Variants in NRXN3 observed in about 807,000 individuals in gnomAD.
NRXN3 encodes neurexin 3.
A neutral mutation model predicts 137.6 loss-of-function variants in NRXN3; 32 were observed. The ratio of observed to expected loss-of-function variants is 0.23; its 90% CI spans 0.18 to 0.31. The LOEUF (loss-of-function observed/expected upper bound fraction) is 0.31. NRXN3 is among the 10% of genes least tolerant of loss of function. The pLI, the probability that NRXN3 is intolerant of heterozygous loss-of-function variation, is 1.00. For synonymous variants in NRXN3, 798 were observed against 784.5 expected (o/e 1.02, Z -0.29); for missense variants, 1,574 against 2,062.5 (o/e 0.76, Z 4.59).
intron 15 of NRXN3, among the ~76,000 whole-genome samples, chr14:79,288,345 G>A (rs1363539590): frequency 6.6e-6 from 1 of 152,128 alleles, no homozygotes; most frequent in Non-Finnish European, 1.5e-5. Flanking sequence ...CAGAGCAGGG[G>A]GCAGACTAGC....
chr14:79,396,555 C>T (rs1246223362), intron 15 of NRXN3, among the ~76,000 whole-genome samples: 1 of 152,026 alleles, frequency 6.6e-6, no homozygotes, highest in Non-Finnish European at 1.5e-5. Context: ...GCTTGAGAAG[C>T]AGCCCTGTAG....
chr14:79,159,196 CT>C (rs1303271944), intron 15 of NRXN3, among the ~76,000 whole-genome samples: 2 of 151,866 alleles, frequency 1.3e-5, no homozygotes, highest in African/African-American at 4.8e-5. Flanking sequence ...TCTGCTTTTG[CT>C]TTGATTTGAC....
intron 16 of NRXN3, among the ~76,000 whole-genome samples, chr14:79,505,859 G>A (rs1018315737): frequency 5.3e-5 from 8 of 152,116 alleles, no homozygotes; most frequent in African/African-American, 1.9e-4. Context: ...TGTTTATTGT[G>A]TCACAGTTTC....
At chr14:78,952,410 C>G (rs936130288) in intron 10 of NRXN3, among the ~76,000 whole-genome samples, 2 of 152,146 alleles carry the variant, frequency 1.3e-5, no homozygotes, top group African/African-American at 4.8e-5. Flanking sequence ...TCCTCCTCTT[C>G]TTCCTTCAGT....
intron 6 of NRXN3, among the ~76,000 whole-genome samples, chr14:78,666,863 G>A (rs1306179860): frequency 6.6e-6 from 1 of 152,086 alleles, no homozygotes; most frequent in African/African-American, 2.4e-5. Context: ...GTCTTCTTCA[G>A]CCTCCCACTC....
chr14:79,372,293 A>C (rs1331957448), intron 15 of NRXN3, among the ~76,000 whole-genome samples: 1 of 152,122 alleles, frequency 6.6e-6, no homozygotes, highest in Admixed American at 6.5e-5. Context: ...TAGAAAGATA[A>C]ATTTCGGCAC....
chr14:79,446,019 C>T (rs1053796426), intron 15 of NRXN3, among the ~76,000 whole-genome samples: 10 of 152,270 alleles, frequency 6.6e-5, no homozygotes, highest in African/African-American at 2.2e-4. Flanking sequence ...AATGAAAGTT[C>T]ACTATATGCC....
chr14:78,817,485 T>C (rs1162586210), intron 10 of NRXN3, among the ~76,000 whole-genome samples: 1 of 152,114 alleles, frequency 6.6e-6, no homozygotes, highest in African/African-American at 2.4e-5. Flanking sequence ...GTCCATTTGG[T>C]GTTGCTATGA....
chr14:79,348,506 G>T (rs1313286075), intron 15 of NRXN3, among the ~76,000 whole-genome samples: 1 of 151,744 alleles, frequency 6.6e-6, no homozygotes, highest in Non-Finnish European at 1.5e-5. Flanking sequence ...CTCCTGAGTA[G>T]CTGGGACTAC....
chr14:79,150,619 G>A (rs901860394), intron 15 of NRXN3, among the ~76,000 whole-genome samples: 1 of 151,316 alleles, frequency 6.6e-6, no homozygotes, highest in Non-Finnish European at 1.5e-5. Flanking sequence ...CTACTGAGAA[G>A]ATCAGACCTC....
intron 4 of NRXN3, among the ~76,000 whole-genome samples, chr14:78,442,682 C>G (rs1277346287): frequency 2.0e-5 from 3 of 152,182 alleles, no homozygotes; most frequent in Non-Finnish European, 2.9e-5. Context: ...AGCTTGGGTC[C>G]TTCTGTTTTA....
At position 79,722,518 on chromosome 14, in the gene NRXN3, T is replaced by C. The variant is rs143386811; in HGVS notation, c.4014+24581T>C. ...ACCTTGTACAAATGTATAAACATGC[T>C]GGTTCCTCTGCTGAGAACCCACTTT... On this transcript the variant is annotated intron_variant, in intron 19 of 20. Coordinates refer to ENST00000335750, the MANE Select transcript of NRXN3 (RefSeq NM_001330195.2). Among the ~76,000 whole-genome samples, 40 of 152,302 alleles carry C rather than the reference T, an allele frequency of 2.6e-4. No homozygotes were observed. In the East Asian group the frequency reaches 7.0e-3, roughly 26 times the overall value.
At chr14:78,822,787 T>C (rs1257996877) in intron 10 of NRXN3, among the ~76,000 whole-genome samples, 1 of 152,014 alleles carries the variant, frequency 6.6e-6, no homozygotes, top group Non-Finnish European at 1.5e-5. Context: ...TTCAGTCTAC[T>C]CCATTCCAAA....
At chr14:79,405,851 CCAGGACCTTAGTACT>C (rs2153503247) in intron 15 of NRXN3, among the ~76,000 whole-genome samples, 1 of 152,200 alleles carries the variant, frequency 6.6e-6, no homozygotes, top group South Asian at 2.1e-4. Flanking sequence ...GAACTCTAAT[CCAGGACCTTAGTACT>C]CAGTCTGGAG....
chr14:79,496,715 A>G (rs2096771207), intron 16 of NRXN3, among the ~76,000 whole-genome samples: 1 of 152,188 alleles, frequency 6.6e-6, no homozygotes, highest in Admixed American at 6.5e-5. Flanking sequence ...TGTGATAGTA[A>G]GTTTGTTTAC....
chr14:79,188,415 A>G (rs1185969219), intron 15 of NRXN3, among the ~76,000 whole-genome samples: 2 of 151,322 alleles, frequency 1.3e-5, no homozygotes, highest in Non-Finnish European at 2.9e-5. Context: ...TTTAGAATAT[A>G]CTGGAAAGAT....
At chr14:79,813,394 C>T (rs2099241631) in intron 20 of NRXN3, among the ~76,000 whole-genome samples, 1 of 151,988 alleles carries the variant, frequency 6.6e-6, no homozygotes, top group African/African-American at 2.4e-5. Context: ...TTTGTTGTTT[C>T]ACCTCATCTT....
chr14:78,262,170 A>G (rs2070851779), intron 2 of NRXN3, among the ~76,000 whole-genome samples: 1 of 152,138 alleles, frequency 6.6e-6, no homozygotes, highest in Non-Finnish European at 1.5e-5. Flanking sequence ...CTGAAGAACA[A>G]GATTGGTTAG....
chr14:78,496,027 G>A (rs189103152), intron 4 of NRXN3, among the ~76,000 whole-genome samples: 8 of 152,310 alleles, frequency 5.3e-5, no homozygotes, highest in Admixed American at 4.6e-4. Context: ...GAGTTGTGAA[G>A]CCTTGAGCCC....
Sources: allele counts gnomAD v4.1 joint callset (sites outside exome capture counted in the v4.1 genomes callset), GRCh38; gene constraint gnomAD v4.1.1; transcripts MANE v1.5; gene names NCBI Gene and HGNC (gene_info 2026-07-23, HGNC 2026-07-21).